NSMCE1: variants seen among roughly 807,000 people sequenced by gnomAD.
NSMCE1 encodes the protein NSE1 component of SMC5/6 complex.
In NSMCE1, 18 loss-of-function variants were observed where a neutral mutation model predicts 29.6. The ratio of observed to expected loss-of-function variants is 0.61; its 90% confidence interval spans 0.42 to 0.90. NSMCE1 has a LOEUF of 0.90. NSMCE1 is among the 40% of genes least tolerant of loss of function. The probability of loss-of-function intolerance (pLI) is 0.00; values close to 1 mark genes in which losing one functional copy is unlikely to be tolerated. For missense variants in NSMCE1, 314 were observed against 343.6 expected (o/e 0.91, Z 0.68); for synonymous variants, 124 against 133.4 (o/e 0.93, Z 0.49).
At chr16:27,242,646 C>G (rs945726672) in intron 2 of NSMCE1, among the ~76,000 whole-genome samples, 2 of 152,144 alleles carry the variant, frequency 1.3e-5, no homozygotes, top group African/African-American at 4.8e-5. Flanking sequence ...TAAAGCAGTG[C>G]CCACTGCTTT....
intron 5 of NSMCE1, among the ~76,000 whole-genome samples, chr16:27,228,951 T>G (rs1458551243): frequency 6.7e-6 from 1 of 149,282 alleles, no homozygotes; most frequent in Non-Finnish European, 1.5e-5. Flanking sequence ...CACCCTCCCC[T>G]GCTCCTGCTG....
At chr16:27,250,152 T>C (rs1358134641) in intron 2 of NSMCE1, among the ~76,000 whole-genome samples, 1 of 152,222 alleles carries the variant, frequency 6.6e-6, no homozygotes, top group Admixed American at 6.5e-5. Flanking sequence ...TTCCAGAAGA[T>C]TTTTTGTAGA....
intron 6 of NSMCE1, chr16:27,226,097 A>C (rs1021872526): frequency 3.0e-5 from 11 of 364,712 alleles, no homozygotes; most frequent in Non-Finnish European, 4.5e-5. Context: ...GGGCTCCCAA[A>C]CTCCTGCACT....
chr16:27,264,620 T>A (rs961953964), intron 1 of NSMCE1, among the ~76,000 whole-genome samples: 1 of 152,172 alleles, frequency 6.6e-6, no homozygotes, highest in Non-Finnish European at 1.5e-5. Flanking sequence ...TCATACTATA[T>A]ACAAACATCA....
At chr16:27,258,166 A>G (rs1420354744) in intron 1 of NSMCE1, 1 of 152,196 alleles carries the variant, frequency 6.6e-6, no homozygotes, top group Non-Finnish European at 1.5e-5. Context: ...TCCCCAAACC[A>G]CTAATAAAAC....
chr16:27,246,627 T>C (rs1463441402), intron 2 of NSMCE1, among the ~76,000 whole-genome samples: 2 of 152,158 alleles, frequency 1.3e-5, no homozygotes, highest in Admixed American at 6.5e-5. Flanking sequence ...GTACCTGTGA[T>C]TACAGGCTCA....
chr16:27,226,011 TTTTG>T, intron 6 of NSMCE1, 165 bp from the exon 7 acceptor site: 1 of 725,874 alleles, frequency 1.4e-6, no homozygotes, highest in East Asian at 2.9e-5. Flanking sequence ...CAGTGGAGTC[TTTTG>T]TTTGCTTGCT....
chr16:27,256,404 A>T (rs1390458648), intron 2 of NSMCE1, among the ~76,000 whole-genome samples: 1 of 151,874 alleles, frequency 6.6e-6, no homozygotes, highest in Non-Finnish European at 1.5e-5. Flanking sequence ...GCCCACTCCC[A>T]CTCTGCTTCT....
chr16:27,251,714 G>A (rs375982815), intron 2 of NSMCE1, among the ~76,000 whole-genome samples: 7 of 152,086 alleles, frequency 4.6e-5, no homozygotes, highest in South Asian at 2.1e-4. Context: ...TGTTTGGGCC[G>A]GGCACTATTC....
intron 7 of NSMCE1, 93 bp downstream of exon 7, chr16:27,225,633 C>G: frequency 1.4e-6 from 2 of 1,475,412 alleles, no homozygotes; most frequent in South Asian, 2.5e-5. Context: ...ACCCTGGAGC[C>G]CTTCAGGGCC....
At chr16:27,258,125 T>G (rs1438223038) in intron 1 of NSMCE1, 1 of 152,236 alleles carries the variant, frequency 6.6e-6, no homozygotes, top group Non-Finnish European at 1.5e-5. Context: ...GAACTACTAG[T>G]AAACACTTAA....
intron 1 of NSMCE1, among the ~76,000 whole-genome samples, chr16:27,267,986 G>A (rs980723113): frequency 5.9e-5 from 9 of 151,926 alleles, no homozygotes; most frequent in Non-Finnish European, 1.2e-4. Context: ...CAGGTGATCC[G>A]CCCCCCTCAG....
At chr16:27,247,166 G>A (rs192476043) in intron 2 of NSMCE1, among the ~76,000 whole-genome samples, 38 of 152,302 alleles carry the variant, frequency 2.5e-4, no homozygotes, top group Admixed American at 8.5e-4. Flanking sequence ...TTGAATTGTA[G>A]TTCCCATAAT....
chr16:27,241,195 G>A (rs1260027293), intron 2 of NSMCE1, among the ~76,000 whole-genome samples: 1 of 152,120 alleles, frequency 6.6e-6, no homozygotes. Flanking sequence ...TGTGCACTTG[G>A]GCAACAGGAA....
At chr16:27,266,939 G>GA (rs554795956) in intron 1 of NSMCE1, among the ~76,000 whole-genome samples, 2 of 151,624 alleles carry the variant, frequency 1.3e-5, no homozygotes, top group African/African-American at 4.8e-5. Context: ...GAAAAAAGGA[G>GA]AAAAAAAATG....
Position 27,257,422 on chromosome 16 carries a change from A to C in NSMCE1, c.136+13T>G. The C allele has an allele frequency of 6.2e-7, 1 of 1,602,180 alleles. No homozygotes were observed. The highest frequency in any genetic ancestry group is 8.5e-7 in the Non-Finnish European group (1 of 1,173,200). ...GCACCAGAGCGCCCTGGGAACAGGG[A>C]AACGGTACTCACGGTCATGGACCTT... On this transcript the variant is annotated intron_variant, in intron 2 of 7. Transcript: ENST00000361439.
chr16:27,229,701 C>T (rs961746527), intron 5 of NSMCE1, among the ~76,000 whole-genome samples: 1 of 152,190 alleles, frequency 6.6e-6, no homozygotes, highest in Non-Finnish European at 1.5e-5. Flanking sequence ...CTCAGCTTCC[C>T]GAGTACCTGG....
At chr16:27,254,673 C>T (rs1189276221) in intron 2 of NSMCE1, among the ~76,000 whole-genome samples, 1 of 152,134 alleles carries the variant, frequency 6.6e-6, no homozygotes, top group Non-Finnish European at 1.5e-5. Flanking sequence ...GCAACCCCCA[C>T]CTCCCCTGCT....
At chr16:27,237,719 G>A (rs2083841355) in intron 2 of NSMCE1, among the ~76,000 whole-genome samples, 1 of 152,228 alleles carries the variant, frequency 6.6e-6, no homozygotes, top group Non-Finnish European at 1.5e-5. Flanking sequence ...GGGCAGATGA[G>A]AAGCATTCTG....
Sources: allele counts gnomAD v4.1 joint callset (sites outside exome capture counted in the v4.1 genomes callset), GRCh38; gene constraint gnomAD v4.1.1; transcripts MANE v1.5; gene names NCBI Gene and HGNC (gene_info 2026-07-23, HGNC 2026-07-21).